C11orf87: variants seen among roughly 807,000 people sequenced by gnomAD.
C11orf87 encodes chromosome 11 open reading frame 87.
In C11orf87, 3 loss-of-function variants were observed where a neutral mutation model predicts 9.2. The ratio of observed to expected loss-of-function variants is 0.33; its 90% confidence interval spans 0.15 to 0.84. The LOEUF is 0.84. Ranked by LOEUF, C11orf87 falls within the 40% of genes least tolerant of loss-of-function variation. The pLI, the probability that C11orf87 is intolerant of heterozygous loss-of-function variation, is 0.55. For synonymous variants in C11orf87, 124 were observed against 124.6 expected (o/e 1.00, Z 0.03); for missense variants, 256 against 270.7 (o/e 0.95, Z 0.38).
chr11:109,428,902 T>A lies in C11orf87; in HGVS notation c.*4675T>A, dbSNP rs1042305119. 1 of 152,160 alleles carries A rather than the reference T, an allele frequency of 6.6e-6. No homozygotes were observed. The highest frequency in any genetic ancestry group is 2.4e-5 in the African/African-American group (1 of 41,444). 9.4% of individuals were successfully genotyped at this position (152,160 alleles called of 1,614,324 possible). A position where few individuals can be genotyped will look rare whatever the true frequency, so the allele number is the denominator to read the frequency against. ...TGGAGACAATGACTTATCAAGGAGG[T>A]CCTACCCATTTGTGGTAGGGATATT... On this transcript the variant is annotated 3_prime_UTR_variant, in exon 2 of 2. Coordinates refer to ENST00000327419, the MANE Select transcript of C11orf87 (RefSeq NM_207645.4).
Position 109,423,972 on chromosome 11 carries a change from G to A in C11orf87, c.339G>A (p.Gly113=). 3.1e-6 allele frequency: 5 copies of A among 1,613,902 alleles called. No homozygotes were observed. The highest frequency in any genetic ancestry group is 4.2e-6 in the Non-Finnish European group (5 of 1,179,858). ...ACTGCAGCGGCAGCCGCGGTGGCGG[G>A]GGGCTGCCCCGACCTGGCAGGCAGG... ...RDHCSGSRGG[G]GLPRPGRQAP... is the part of the protein sequence containing the mutation. Residue 113 remains glycine (G), a synonymous_variant, in exon 2 of 2, where the codon GGG becomes GGA. Transcript: ENST00000327419. The surrounding 1 kb of genome is among the most constrained non-coding windows in gnomAD (Gnocchi z 5.3).
Position 109,428,724 on chromosome 11 carries a change from A to G in C11orf87, c.*4497A>G, listed in dbSNP as rs1327927694. On this transcript the variant is annotated 3_prime_UTR_variant, in exon 2 of 2. Transcript: ENST00000327419. ...AGTGTTTAATCATTGGAATGAATGT[A>G]AATCTGATTCTGATTTGGTTATTTA... 6.6e-6 allele frequency: 1 copy of G among 152,200 alleles called. No individual in the cohort carries two copies. Among genetic ancestry groups the G allele is most frequent in the Non-Finnish European group, 1.5e-5 (1 of 68,004 alleles). The allele number at this position is 152,200 out of a possible 1,614,324, so 9.4% of individuals were successfully genotyped here.
In C11orf87 at chr11:109,427,927, T is replaced by G. The variant is rs1860594554; in HGVS notation, c.*3700T>G. The G allele has an allele frequency of 6.6e-6, 1 of 152,152 alleles. No individual in the cohort carries two copies. Among genetic ancestry groups the G allele is most frequent in the Non-Finnish European group, 1.5e-5 (1 of 67,982 alleles). 9.4% of individuals were successfully genotyped at this position (152,152 alleles called of 1,614,324 possible). ...AACCAAAATAGTTGTTCCATCCTCT[T>G]ACCCAAAGAGGATACTGAAAAGTCC... is the stretch of plus-strand genomic sequence containing the variant. On this transcript the variant is annotated 3_prime_UTR_variant, in exon 2 of 2. Coordinates refer to ENST00000327419, the MANE Select transcript of C11orf87 (RefSeq NM_207645.4).
rs1415275367 is a variant in C11orf87 at position 109,427,906 on chromosome 11, A to T, written c.*3679A>T. The T allele has an allele frequency of 6.6e-6, 1 of 152,106 alleles. No individual in the cohort carries two copies. Among genetic ancestry groups the T allele is most frequent in the Non-Finnish European group, 1.5e-5 (1 of 67,986 alleles). 9.4% of individuals were successfully genotyped at this position (152,106 alleles called of 1,614,324 possible). A position where few individuals can be genotyped will look rare whatever the true frequency, so the allele number is the denominator to read the frequency against. ...TCATTACAAGAATGAGATGGAAACC[A>T]AAATAGTTGTTCCATCCTCTTACCC... is the stretch of plus-strand genomic sequence containing the variant. On this transcript the variant is annotated 3_prime_UTR_variant, in exon 2 of 2. Coordinates refer to ENST00000327419, the MANE Select transcript of C11orf87 (RefSeq NM_207645.4).
intron 1 of C11orf87, among the ~76,000 whole-genome samples, chr11:109,422,550 G>A (rs2134820257): frequency 6.6e-6 from 1 of 152,268 alleles, no homozygotes; most frequent in South Asian, 2.1e-4. Context: ...GGCTGGGTCT[G>A]GGAAGGACAG....
chr11:109,423,591 G>T lies in C11orf87; in HGVS notation c.-43G>T. 6.5e-7 allele frequency: 1 copy of T among 1,531,748 alleles called. No homozygotes were observed. The allele number at this position is 1,531,748 out of a possible 1,614,324, so 94.9% of individuals were successfully genotyped here. A position where few individuals can be genotyped will look rare whatever the true frequency, so the allele number is the denominator to read the frequency against. ...TGGCTGGTAGGAACGGTGTGCCCAA[G>T]AGGGGAAGCCTAGTGGGCCTGGCCC... On this transcript the variant is annotated 5_prime_UTR_variant, in exon 2 of 2. Coordinates refer to ENST00000327419, the MANE Select transcript of C11orf87 (RefSeq NM_207645.4). The surrounding 1 kb of genome is among the most constrained non-coding windows in gnomAD (Gnocchi z 5.3).
rs962301603 is a variant in C11orf87 at position 109,429,147 on chromosome 11, T to C, written c.*4920T>C. 1.3e-5 allele frequency: 2 copies of C among 152,202 alleles called. No individual in the cohort carries two copies. The highest frequency in any genetic ancestry group is 2.4e-5 in the African/African-American group (1 of 41,462). 9.4% of individuals were successfully genotyped at this position (152,202 alleles called of 1,614,324 possible). A position where few individuals can be genotyped will look rare whatever the true frequency, so the allele number is the denominator to read the frequency against. On this transcript the variant is annotated 3_prime_UTR_variant, in exon 2 of 2. Transcript: ENST00000327419. ...TTTGGACACTATTTCCTTGCCAATTTAATGTACAATATACCAGGATAACAT... is the reference window on the plus strand; with the variant it reads ...TTTGGACACTATTTCCTTGCCAATTCAATGTACAATATACCAGGATAACAT...
Position 109,426,181 on chromosome 11 carries a change from C to T in C11orf87, c.*1954C>T, listed in dbSNP as rs1446883697. On this transcript the variant is annotated 3_prime_UTR_variant, in exon 2 of 2. Transcript: ENST00000327419. ...TTCTTGGAAATCAAGCCTTTGACAG[C>T]TATTCAAATTTTTGGAAAATGTATG... 1 of 152,134 alleles carries T rather than the reference C, an allele frequency of 6.6e-6. No individual in the cohort carries two copies. The highest frequency in any genetic ancestry group is 1.5e-5 in the Non-Finnish European group (1 of 68,018). The allele number at this position is 152,134 out of a possible 1,614,324, so 9.4% of individuals were successfully genotyped here. A position where few individuals can be genotyped will look rare whatever the true frequency, so the allele number is the denominator to read the frequency against.
chr11:109,428,263 A>G lies in C11orf87; in HGVS notation c.*4036A>G, dbSNP rs1402919698. The stretch of plus-strand genomic sequence containing the variant: ...GTGTAGAAATACAATTTATATCTGC[A>G]TAGCTAAAGGTAAAGTGAAAATATG... On this transcript the variant is annotated 3_prime_UTR_variant, in exon 2 of 2. Transcript: ENST00000327419. The G allele has an allele frequency of 6.6e-6, 1 of 152,156 alleles. No individual in the cohort carries two copies. The highest frequency in any genetic ancestry group is 2.4e-5 in the African/African-American group (1 of 41,460). 9.4% of individuals were successfully genotyped at this position (152,156 alleles called of 1,614,324 possible).
Position 109,423,960 on chromosome 11 carries a change from C to T in C11orf87, c.327C>T (p.Ser109=), listed in dbSNP as rs769976994. ...ATGAGCGGGATCACTGCAGCGGCAG[C>T]CGCGGTGGCGGGGGGCTGCCCCGAC... ...EEYERDHCSG[S]RGGGGLPRPG... The change falls in exon 2 of 2, where the codon AGC becomes AGT. Residue 109 remains serine (S), a synonymous_variant. Coordinates refer to ENST00000327419, the MANE Select transcript of C11orf87 (RefSeq NM_207645.4). The surrounding 1 kb of genome is among the most constrained non-coding windows in gnomAD (Gnocchi z 5.3). 8 of 1,613,984 alleles carry T rather than the reference C, an allele frequency of 5.0e-6. No homozygotes were observed. In the South Asian group the frequency reaches 8.8e-5, roughly 18 times the overall value.
At position 109,426,010 on chromosome 11, in the gene C11orf87, T is replaced by C. The variant is rs1376297089; in HGVS notation, c.*1783T>C. ...AAAGAAAGTGAGAAAATAAGATAAA[T>C]ATTTTATTATTTTCTAATGCCAGAC... On this transcript the variant is annotated 3_prime_UTR_variant, in exon 2 of 2. Transcript: ENST00000327419. 6.6e-6 allele frequency: 1 copy of C among 152,134 alleles called. No homozygotes were observed. The highest frequency in any genetic ancestry group is 1.5e-5 in the Non-Finnish European group (1 of 68,036). 9.4% of individuals were successfully genotyped at this position (152,134 alleles called of 1,614,324 possible).
chr11:109,423,335 G>T lies in C11orf87; in HGVS notation c.-259-40G>T. 2.1e-6 allele frequency: 1 copy of T among 481,864 alleles called. No individual in the cohort carries two copies. Among genetic ancestry groups the T allele is most frequent in the Non-Finnish European group, 3.7e-6 (1 of 271,724 alleles). The allele number at this position is 481,864 out of a possible 1,614,324, so 29.8% of individuals were successfully genotyped here. A position where few individuals can be genotyped will look rare whatever the true frequency, so the allele number is the denominator to read the frequency against. On this transcript the variant is annotated intron_variant, in intron 1 of 1. Coordinates refer to ENST00000327419, the MANE Select transcript of C11orf87 (RefSeq NM_207645.4). The surrounding 1 kb of genome is among the most constrained non-coding windows in gnomAD (Gnocchi z 5.3). Reference sequence around the variant, plus strand: ...ATCTTTCCCGACAGCACTCCCCTGGGCAGCGGCCGAGATTCTAACTAAGCT... The same window carrying T: ...ATCTTTCCCGACAGCACTCCCCTGGTCAGCGGCCGAGATTCTAACTAAGCT...
rs1301923907 is a variant in C11orf87 at position 109,425,330 on chromosome 11, G to A, written c.*1103G>A. The A allele has an allele frequency of 6.0e-6, 1 of 165,844 alleles. No individual in the cohort carries two copies. Among genetic ancestry groups the A allele is most frequent in the Non-Finnish European group, 1.5e-5 (1 of 67,960 alleles). 10.3% of individuals were successfully genotyped at this position (165,844 alleles called of 1,614,324 possible). On this transcript the variant is annotated 3_prime_UTR_variant, in exon 2 of 2. Coordinates refer to ENST00000327419, the MANE Select transcript of C11orf87 (RefSeq NM_207645.4). The stretch of plus-strand genomic sequence containing the variant: ...GGTGATGTGCAGTACTGAAAGTGCA[G>A]TATCTAACCAACTAGAACGTTTGTT...
At position 109,428,137 on chromosome 11, in the gene C11orf87, G is replaced by C. The variant is rs1461887671; in HGVS notation, c.*3910G>C. On this transcript the variant is annotated 3_prime_UTR_variant, in exon 2 of 2. Coordinates refer to ENST00000327419, the MANE Select transcript of C11orf87 (RefSeq NM_207645.4). ...CATATCAATGTGGTCTAAATATCTA[G>C]ATGGAAAGCAAAAATATCCAGAAGA... is the stretch of plus-strand genomic sequence containing the variant. 6.6e-6 allele frequency: 1 copy of C among 152,116 alleles called. No homozygotes were observed. Among genetic ancestry groups the C allele is most frequent in the Non-Finnish European group, 1.5e-5 (1 of 67,984 alleles). 9.4% of individuals were successfully genotyped at this position (152,116 alleles called of 1,614,324 possible). A position where few individuals can be genotyped will look rare whatever the true frequency, so the allele number is the denominator to read the frequency against.
Position 109,423,949 on chromosome 11 carries a change from T to A in C11orf87, c.316T>A (p.Cys106Ser). Residue 106 changes from cysteine to serine, a missense_variant, in exon 2 of 2, where the codon TGC becomes AGC. Physicochemically the swap from Cys to Ser is moderately radical, Grantham distance 112. Coordinates refer to ENST00000327419, the MANE Select transcript of C11orf87 (RefSeq NM_207645.4). This position sits in a 1 kb window ranked among gnomAD's most constrained non-coding sequence, Gnocchi z 5.3. ...TCAGGAGGAATATGAGCGGGATCAC[T>A]GCAGCGGCAGCCGCGGTGGCGGGGG... ...RAQEEYERDHCSGSRGGGGLP... is the reference protein window; with the variant it reads ...RAQEEYERDHSSGSRGGGGLP... The A allele has an allele frequency of 6.2e-7, 1 of 1,614,046 alleles. No homozygotes were observed. The highest frequency in any genetic ancestry group is 8.5e-7 in the Non-Finnish European group (1 of 1,179,904).
Position 109,426,902 on chromosome 11 carries a change from T to C in C11orf87, c.*2675T>C, listed in dbSNP as rs1052985881. On this transcript the variant is annotated 3_prime_UTR_variant, in exon 2 of 2. Transcript: ENST00000327419. The stretch of plus-strand genomic sequence containing the variant: ...GGTGCACTTTCTACAGCGAATAATT[T>C]CCCATTTTATTAAAGCAATAAGATG... 6.6e-5 allele frequency: 10 copies of C among 152,186 alleles called. No individual in the cohort carries two copies. In the East Asian group the frequency reaches 1.9e-3, roughly 29 times the overall value. The allele number at this position is 152,186 out of a possible 1,614,324, so 9.4% of individuals were successfully genotyped here.
chr11:109,423,580 G>A lies in C11orf87; in HGVS notation c.-54G>A, dbSNP rs1591274047. 1.3e-6 allele frequency: 2 copies of A among 1,494,446 alleles called. No homozygotes were observed. The highest frequency in any genetic ancestry group is 4.8e-5 in the East Asian group (2 of 41,438). The allele number at this position is 1,494,446 out of a possible 1,614,324, so 92.6% of individuals were successfully genotyped here. A position where few individuals can be genotyped will look rare whatever the true frequency, so the allele number is the denominator to read the frequency against. ...CGTCCTCTTCTTGGCTGGTAGGAAC[G>A]GTGTGCCCAAGAGGGGAAGCCTAGT... is the stretch of plus-strand genomic sequence containing the variant. On this transcript the variant is annotated 5_prime_UTR_variant, in exon 2 of 2. Coordinates refer to ENST00000327419, the MANE Select transcript of C11orf87 (RefSeq NM_207645.4). This position sits in a 1 kb window ranked among gnomAD's most constrained non-coding sequence, Gnocchi z 5.3.
At chr11:109,422,496 G>A (rs1025080758) in intron 1 of C11orf87, among the ~76,000 whole-genome samples, 6 of 152,206 alleles carry the variant, frequency 3.9e-5, no homozygotes, top group Admixed American at 3.9e-4. Flanking sequence ...TGTGCGCTGC[G>A]GGTCTACCGG....
intron 1 of C11orf87, among the ~76,000 whole-genome samples, chr11:109,422,829 G>A (rs1860511035): frequency 1.3e-5 from 2 of 150,190 alleles, no homozygotes; most frequent in South Asian, 2.1e-4. Context: ...CGCGGACAGA[G>A]GCAGAGTGGG....
Sources: gnomAD v4.1 joint callset for allele counts (sites outside exome capture counted in the v4.1 genomes callset) on GRCh38, gnomAD v4.1.1 for gene constraint, Gnocchi (gnomAD v3.1) non-coding constraint, MANE v1.5 for transcripts, NCBI Gene and HGNC (gene_info 2026-07-23, HGNC 2026-07-21) for gene names.